The following CADPS variants were observed in gnomAD, a reference collection of about 807,000 sequenced individuals.
CADPS encodes calcium dependent secretion activator, also known as calcium-dependent secretion activator 1.
A neutral mutation model predicts 167.3 loss-of-function variants in CADPS; 57 were observed. That is an observed-to-expected ratio of 0.34 (90% CI 0.28 to 0.42). The LOEUF is 0.42. CADPS is among the 20% of genes least tolerant of loss of function. The pLI is 1.00. For missense variants in CADPS, 1,414 were observed against 1,738.1 expected, an observed-to-expected ratio of 0.81 and a Z score of 3.32; for synonymous variants, 676 against 635.3, an observed-to-expected ratio of 1.06 and a Z score of -0.96.
chr3:62,698,593 T>A (rs1453653823), intron 3 of CADPS, among the ~76,000 whole-genome samples: 1 of 151,834 alleles, frequency 6.6e-6, no homozygotes, highest in Non-Finnish European at 1.5e-5. Context: ...AGAGTCATCA[T>A]CTCCCACATT....
chr3:62,842,513 A>T (rs1251910722), intron 1 of CADPS, among the ~76,000 whole-genome samples: 1 of 152,228 alleles, frequency 6.6e-6, no homozygotes, highest in Non-Finnish European at 1.5e-5. Context: ...GATTGCCTCA[A>T]TTATCCATTT....
intron 4 of CADPS, among the ~76,000 whole-genome samples, chr3:62,655,016 C>G (rs1176072232): frequency 2.0e-5 from 3 of 152,088 alleles, no homozygotes; most frequent in Admixed American, 1.3e-4. Context: ...TGCCACCATG[C>G]TGACTGAGGG....
At chr3:62,755,234 G>A (rs1310832211) in intron 2 of CADPS, among the ~76,000 whole-genome samples, 1 of 152,094 alleles carries the variant, frequency 6.6e-6, no homozygotes, top group East Asian at 1.9e-4. Flanking sequence ...TCTCCCCCCT[G>A]GTGGAAAATC....
intron 6 of CADPS, among the ~76,000 whole-genome samples, chr3:62,637,359 A>G (rs1374566485): frequency 1.3e-5 from 2 of 152,188 alleles, no homozygotes; most frequent in Non-Finnish European, 1.5e-5. Context: ...AATAAATGGT[A>G]GGGGCAGTTG....
chr3:62,623,908 C>T (rs1018379739), intron 6 of CADPS, among the ~76,000 whole-genome samples: 1 of 151,868 alleles, frequency 6.6e-6, no homozygotes, highest in Non-Finnish European at 1.5e-5. Flanking sequence ...CCTTCCACTC[C>T]CTGGGGACAT....
intron 1 of CADPS, chr3:62,779,228 G>T: frequency 3.4e-6 from 1 of 297,500 alleles, no homozygotes; most frequent in South Asian, 4.2e-5. Context: ...GGAGTGTTTT[G>T]ACCCTTCTGA....
At chr3:62,845,247 T>C (rs2077223282) in intron 1 of CADPS, among the ~76,000 whole-genome samples, 1 of 152,216 alleles carries the variant, frequency 6.6e-6, no homozygotes, top group Non-Finnish European at 1.5e-5. Context: ...CTTGAGCTTC[T>C]GTATTGGAAG....
chr3:62,610,177 CT>C (rs1312647856), intron 6 of CADPS, among the ~76,000 whole-genome samples: 1 of 151,834 alleles, frequency 6.6e-6, no homozygotes, highest in Non-Finnish European at 1.5e-5. Context: ...GGAGCCTTTT[CT>C]TTTTTTCCTT....
Position 62,534,169 on chromosome 3 carries a change from C to T in CADPS, c.2104-1111G>A, listed in dbSNP as rs868075191. On this transcript the variant is annotated intron_variant, in intron 12 of 29. Coordinates refer to ENST00000383710, the MANE Select transcript of CADPS (RefSeq NM_003716.4). Reference sequence around the variant, plus strand: ...AAGAAATAAACCAATTTAGGTGATACTTTCTAAGCTGGAAATTTGGGGCTA... The same window carrying T: ...AAGAAATAAACCAATTTAGGTGATATTTTCTAAGCTGGAAATTTGGGGCTA... 3.9e-5 allele frequency among the ~76,000 whole-genome samples: 6 copies of T among 152,202 alleles called. No individual in the cohort carries two copies. In the South Asian group the frequency reaches 1.2e-3, roughly 32 times the overall value.
At chr3:62,692,362 T>C (rs957642076) in intron 3 of CADPS, among the ~76,000 whole-genome samples, 12 of 136,346 alleles carry the variant, frequency 8.8e-5, no homozygotes, top group Non-Finnish European at 1.4e-4. Context: ...AGAAAGCAAA[T>C]GCCTTGCACA....
At chr3:62,650,729 G>C in intron 5 of CADPS, 118 bp downstream of exon 5, 1 of 690,814 alleles carries the variant, frequency 1.4e-6, no homozygotes. Context: ...TTAGCATGCT[G>C]TTATTTTAAT....
chr3:62,600,002 T>C (rs1438020531), intron 6 of CADPS, among the ~76,000 whole-genome samples: 1 of 129,570 alleles, frequency 7.7e-6, no homozygotes, highest in Non-Finnish European at 1.6e-5. Flanking sequence ...ACACAGTAAA[T>C]ATTTGCTTAG....
chr3:62,604,585 G>A (rs72874410), intron 6 of CADPS, among the ~76,000 whole-genome samples: 7,273 of 152,310 alleles, frequency 0.048, 274 homozygotes, highest in African/African-American at 0.1. Context: ...TAAGCAACAG[G>A]ATGGCATAGT....
intron 1 of CADPS, among the ~76,000 whole-genome samples, chr3:62,856,534 T>C (rs1238969739): frequency 6.6e-6 from 1 of 151,826 alleles, no homozygotes; most frequent in African/African-American, 2.4e-5. Flanking sequence ...GCAAGAAGAG[T>C]CATGGATATT....
At chr3:62,419,185 A>G (rs1560122142) in intron 28 of CADPS, among the ~76,000 whole-genome samples, 1 of 152,204 alleles carries the variant, frequency 6.6e-6, no homozygotes, top group African/African-American at 2.4e-5. Context: ...TTCAAGATAC[A>G]TAAATAATGA....
intron 3 of CADPS, among the ~76,000 whole-genome samples, chr3:62,714,527 G>A (rs11715187): frequency 0.079 from 12,003 of 152,236 alleles, 623 homozygotes; most frequent in Non-Finnish European, 0.12. Flanking sequence ...GGGGAGCAGT[G>A]TGGGTGAAGG....
chr3:62,518,086 T>C (rs773582663), intron 14 of CADPS, 63 bp downstream of exon 14: 50 of 1,096,122 alleles, frequency 4.6e-5, no homozygotes, highest in Admixed American at 9.1e-5. Flanking sequence ...GAAAATTAAG[T>C]CCTTTAGTTT....
At position 62,421,039 on chromosome 3, in the gene CADPS, C is replaced by T. The variant is rs1355255727; in HGVS notation, c.3777+17065G>A. 3.3e-5 allele frequency among the ~76,000 whole-genome samples: 5 copies of T among 152,194 alleles called. No homozygotes were observed. Among genetic ancestry groups the T allele is most frequent in the South Asian group, 4.2e-4 (2 of 4,810 alleles). On this transcript the variant is annotated intron_variant, in intron 28 of 29. Coordinates refer to ENST00000383710, the MANE Select transcript of CADPS (RefSeq NM_003716.4). The surrounding 1 kb of genome is among the most constrained non-coding windows in gnomAD (Gnocchi z 4.7). ...ACACATTCAACATGCTGGGTGCCCT[C>T]GACAGCTACAGATGGTTTGGGATCC... is the stretch of plus-strand genomic sequence containing the variant.
chr3:62,699,112 C>T (rs1166318917), intron 3 of CADPS, among the ~76,000 whole-genome samples: 2 of 151,970 alleles, frequency 1.3e-5, no homozygotes, highest in Non-Finnish European at 2.9e-5. Flanking sequence ...TTATCCCTCA[C>T]CCCTCTCCCA....
Sources: allele counts gnomAD v4.1 joint callset (sites outside exome capture counted in the v4.1 genomes callset), GRCh38; gene constraint gnomAD v4.1.1; non-coding constraint Gnocchi (gnomAD v3.1); transcripts MANE v1.5; gene names NCBI Gene and HGNC (gene_info 2026-07-23, HGNC 2026-07-21).